The following PIK3CB variants were observed in gnomAD, a reference collection of about 807,000 sequenced individuals.
PIK3CB encodes phosphatidylinositol 4,5-bisphosphate 3-kinase catalytic subunit beta isoform.
Under a neutral mutation model 136.8 loss-of-function variants are expected in PIK3CB, and 39 were observed. The ratio of observed to expected loss-of-function variants is 0.29; its 90% CI spans 0.22 to 0.37. The LOEUF (loss-of-function observed/expected upper bound fraction) is 0.37, where lower values mean the gene tolerates loss of function less well. Among genes scored for constraint, PIK3CB ranks in the 10% least tolerant of loss-of-function variants. The probability of loss-of-function intolerance (pLI) is 1.00; values close to 1 mark genes in which losing one functional copy is unlikely to be tolerated. For missense variants in PIK3CB, 868 were observed against 1,275.4 expected (o/e 0.68, Z 4.87); for synonymous variants, 428 against 436.6 (o/e 0.98, Z 0.25).
intron 1 of PIK3CB, among the ~76,000 whole-genome samples, chr3:138,807,251 T>C (rs2046244302): frequency 6.6e-6 from 1 of 152,040 alleles, no homozygotes; most frequent in African/African-American, 2.4e-5. Context: ...CTGGGCAACG[T>C]GGTGAAACCC....
intron 16 of PIK3CB, among the ~76,000 whole-genome samples, chr3:138,688,609 T>G (rs984087162): frequency 1.3e-5 from 2 of 152,124 alleles, no homozygotes. Context: ...GAGTAATTAT[T>G]TTTCAGGTAG....
chr3:138,665,003 C>T, intron 20 of PIK3CB, 33 bp downstream of exon 20: 1 of 1,489,374 alleles, frequency 6.7e-7, no homozygotes, highest in Non-Finnish European at 9.2e-7. Flanking sequence ...GCTGTTTGTA[C>T]AGAAAAATGA....
intron 1 of PIK3CB, among the ~76,000 whole-genome samples, chr3:138,800,691 C>T (rs1364818050): frequency 6.6e-6 from 1 of 152,142 alleles, no homozygotes; most frequent in African/African-American, 2.4e-5. Context: ...GTGGTGTGAT[C>T]TTGGCTCACT....
intron 10 of PIK3CB, 107 bp from the exon 11 acceptor site, chr3:138,707,396 A>G (rs774623691): frequency 1.2e-4 from 172 of 1,417,352 alleles, no homozygotes; most frequent in Admixed American, 5.0e-4. Flanking sequence ...AAGTATGTCA[A>G]CTACAGAAGT....
chr3:138,696,975 A>C (rs922761965), intron 13 of PIK3CB, among the ~76,000 whole-genome samples: 10 of 152,220 alleles, frequency 6.6e-5, no homozygotes, highest in Admixed American at 3.3e-4. Flanking sequence ...GTTAAAAACA[A>C]CTCTACCATT....
chr3:138,712,460 GCTCA>G (rs1409243168), intron 9 of PIK3CB, among the ~76,000 whole-genome samples, 156 bp from the exon 10 acceptor site: 3 of 152,106 alleles, frequency 2.0e-5, no homozygotes, highest in South Asian at 2.1e-4. Flanking sequence ...ATAGAAAAAT[GCTCA>G]CTATCTTTAT....
intron 1 of PIK3CB, among the ~76,000 whole-genome samples, chr3:138,805,569 G>A (rs11924814): frequency 0.4 from 59,966 of 149,844 alleles, 12,697 homozygotes; most frequent in Non-Finnish European, 0.46. Context: ...CTACTCAGGA[G>A]GATGAGGCAG....
At chr3:138,679,716 G>A (rs2043723780) in intron 19 of PIK3CB, among the ~76,000 whole-genome samples, 1 of 150,666 alleles carries the variant, frequency 6.6e-6, no homozygotes, top group South Asian at 2.1e-4. Flanking sequence ...CCAAGTAGCT[G>A]GGACTATAGG....
At chr3:138,664,901 G>A (rs1236142944) in intron 20 of PIK3CB, 135 bp downstream of exon 20, 3 of 517,326 alleles carry the variant, frequency 5.8e-6, no homozygotes, top group African/African-American at 1.9e-5. Context: ...GTGTCATTTT[G>A]TTCTAACAAG....
intron 2 of PIK3CB, among the ~76,000 whole-genome samples, chr3:138,768,255 T>C (rs2045759067): frequency 6.6e-6 from 1 of 151,884 alleles, no homozygotes; most frequent in Non-Finnish European, 1.5e-5. Flanking sequence ...CCTGTTGTGC[T>C]GATGTCTGCT....
chr3:138,717,739 T>C (rs2044642523), intron 8 of PIK3CB, among the ~76,000 whole-genome samples: 1 of 152,212 alleles, frequency 6.6e-6, no homozygotes, highest in African/African-American at 2.4e-5. Context: ...CTTCTTTGTG[T>C]TCATAAGTTC....
chr3:138,673,646 C>G (rs361097), intron 19 of PIK3CB, among the ~76,000 whole-genome samples: 74,485 of 151,962 alleles, frequency 0.49, 20,760 homozygotes, highest in East Asian at 0.98. Context: ...GAAAATAAAA[C>G]AAAGGCTTGC....
chr3:138,757,645 G>A (rs1438844689), intron 3 of PIK3CB, among the ~76,000 whole-genome samples: 1 of 143,710 alleles, frequency 7.0e-6, no homozygotes, highest in Admixed American at 7.0e-5. Context: ...GGGGAAGGGA[G>A]GAGAGGGAGA....
At chr3:138,763,551 C>T (rs1422808488) in intron 2 of PIK3CB, among the ~76,000 whole-genome samples, 1 of 152,072 alleles carries the variant, frequency 6.6e-6, no homozygotes, top group Non-Finnish European at 1.5e-5. Context: ...AGATTTTTGT[C>T]AAGAATCTCA....
chr3:138,834,295 T>A (rs950006134), intron 1 of PIK3CB, among the ~76,000 whole-genome samples: 1 of 152,258 alleles, frequency 6.6e-6, no homozygotes, highest in South Asian at 2.1e-4. Context: ...AATACACTTC[T>A]GCGCAAAAAG....
rs368587547 is a variant in PIK3CB at position 138,734,664 on chromosome 3, T to C, written c.942A>G (p.Pro314=). 5.0e-6 allele frequency: 8 copies of C among 1,612,688 alleles called. No homozygotes were observed. Among genetic ancestry groups the C allele is most frequent in the African/African-American group, 2.7e-5 (2 of 74,884 alleles). The change falls in exon 7 of 24, where the codon CCA becomes CCG. Residue 314 remains proline (P), a synonymous_variant. Transcript: ENST00000674063. ...INRNSSNLPL[P]LPPKKTRIIS... The stretch of plus-strand genomic sequence containing the variant: ...TAATTCGTGTTTTCTTTGGTGGTAA[T>C]GGAAGAGGAAGATTAGATGAATTTC...
chr3:138,686,755 A>G (rs524164), intron 16 of PIK3CB, among the ~76,000 whole-genome samples: 79,392 of 152,036 alleles, frequency 0.52, 22,276 homozygotes, highest in East Asian at 0.98. Flanking sequence ...TATGCAAGGA[A>G]ACCACTAAGA....
intron 2 of PIK3CB, among the ~76,000 whole-genome samples, chr3:138,780,695 G>A (rs2108787568): frequency 6.6e-6 from 1 of 151,982 alleles, no homozygotes; most frequent in Middle Eastern, 3.4e-3. Flanking sequence ...TTTTCTGAGT[G>A]TCTCTCACTG....
intron 8 of PIK3CB, among the ~76,000 whole-genome samples, chr3:138,725,237 C>G (rs995004363): frequency 9.2e-5 from 14 of 152,114 alleles, no homozygotes; most frequent in Non-Finnish European, 1.3e-4. Flanking sequence ...GGGTTATATA[C>G]TTTAATAGAT....
Sources: allele counts gnomAD v4.1 joint callset (sites outside exome capture counted in the v4.1 genomes callset), GRCh38; gene constraint gnomAD v4.1.1; transcripts MANE v1.5; gene names NCBI Gene and HGNC (gene_info 2026-07-23, HGNC 2026-07-21).